Variants in FYB2 observed in about 807,000 individuals in gnomAD.
FYB2 encodes FYN binding protein 2.
In FYB2, 103 loss-of-function variants were observed where a neutral mutation model predicts 94.1. The ratio of observed to expected loss-of-function variants is 1.09; its 90% CI spans 0.93 to 1.29. FYB2 has a LOEUF of 1.29. FYB2 is among the 50% of genes most tolerant of loss of function. FYB2 has a pLI of 0.00. For synonymous variants in FYB2, 293 were observed against 287.9 expected (o/e 1.02, Z -0.18); for missense variants, 896 against 841.5 (o/e 1.06, Z -0.80).
intron 5 of FYB2, among the ~76,000 whole-genome samples, chr1:56,760,951 C>A (rs1320219897): frequency 6.6e-6 from 1 of 152,150 alleles, no homozygotes; most frequent in Non-Finnish European, 1.5e-5. Flanking sequence ...GGAATTATGA[C>A]AAGAGCATGT....
intron 1 of FYB2, among the ~76,000 whole-genome samples, chr1:56,806,426 G>T (rs1053667150): frequency 4.6e-5 from 7 of 152,172 alleles, no homozygotes; most frequent in African/African-American, 1.7e-4. Context: ...AGAGAGTCTG[G>T]CATGTGTGGG....
At chr1:56,759,347 C>G (rs1218536120) in intron 5 of FYB2, among the ~76,000 whole-genome samples, 2 of 152,102 alleles carry the variant, frequency 1.3e-5, no homozygotes, top group South Asian at 4.1e-4. Flanking sequence ...TTCATCATCA[C>G]GTGAATACCA....
intron 15 of FYB2, among the ~76,000 whole-genome samples, chr1:56,733,542 T>C (rs769301037): frequency 1.9e-4 from 29 of 152,162 alleles, no homozygotes; most frequent in Non-Finnish European, 3.4e-4. Flanking sequence ...CGATTTTAGA[T>C]CTTTCCTTCT....
At chr1:56,794,938 C>G (rs1194626534) in intron 1 of FYB2, among the ~76,000 whole-genome samples, 1 of 151,980 alleles carries the variant, frequency 6.6e-6, no homozygotes, top group East Asian at 1.9e-4. Flanking sequence ...TGAGATAACA[C>G]ACATACACAC....
At chr1:56,767,492 T>C (rs1339483525) in intron 5 of FYB2, among the ~76,000 whole-genome samples, 2 of 152,136 alleles carry the variant, frequency 1.3e-5, no homozygotes, top group Non-Finnish European at 2.9e-5. Context: ...GAGATGAAGT[T>C]TCTATAGGAA....
rs767727634 is a variant in FYB2 at position 56,789,076 on chromosome 1, G to A, written c.816C>T (p.Ile272=). 13 of 1,613,014 alleles carry A rather than the reference G, an allele frequency of 8.1e-6. No individual in the cohort carries two copies. The highest frequency in any genetic ancestry group is 2.2e-5 in the East Asian group (1 of 44,878). The change falls in exon 3 of 20, where the codon ATC becomes ATT. Residue 272 remains isoleucine, a synonymous_variant. Coordinates refer to ENST00000343433, the MANE Select transcript of FYB2 (RefSeq NM_001004303.5). ...TTGGGGGAGGAGGACCCAGGGAGTCGATGGAGGGCAATGGCTTTGTTTTGG... is the reference window on the plus strand; with the variant it reads ...TTGGGGGAGGAGGACCCAGGGAGTCAATGGAGGGCAATGGCTTTGTTTTGG... ...HLPKTKPLPS[I]DSLGPPPPKP... is the part of the protein sequence containing the mutation.
intron 9 of FYB2, among the ~76,000 whole-genome samples, chr1:56,745,154 AAC>A (rs569143364): frequency 7.5e-4 from 114 of 152,150 alleles, no homozygotes; most frequent in Middle Eastern, 3.4e-3. Context: ...AAAGATGCTG[AAC>A]ACACACAGTT....
At chr1:56,742,969 T>C (rs190845050) in intron 11 of FYB2, among the ~76,000 whole-genome samples, 16 of 152,158 alleles carry the variant, frequency 1.1e-4, no homozygotes, top group African/African-American at 3.4e-4. Flanking sequence ...AATAATTATA[T>C]ATACTTATGA....
In FYB2 at chr1:56,788,577, G is replaced by A. The variant is rs111740383; in HGVS notation, c.919+396C>T. Among the ~76,000 whole-genome samples the A allele has an allele frequency of 3.7e-4, 57 of 152,262 alleles. 3 individuals carry two copies. The highest frequency in any genetic ancestry group is 1.3e-3 in the African/African-American group (56 of 41,556). ...TGGAGGCCTGAGGGGCTCCCCCTAA[G>A]GATTTCAGGTCAAGTTCACACTGAC... On this transcript the variant is annotated intron_variant, in intron 3 of 19. Coordinates refer to ENST00000343433, the MANE Select transcript of FYB2 (RefSeq NM_001004303.5).
At chr1:56,740,561 G>C (rs1644928425) in intron 13 of FYB2, 136 bp downstream of exon 13, 1 of 488,692 alleles carries the variant, frequency 2.0e-6, no homozygotes, top group Non-Finnish European at 3.7e-6. Context: ...CACAAGAAAG[G>C]GGCAGATGAT....
intron 4 of FYB2, among the ~76,000 whole-genome samples, chr1:56,784,159 A>G (rs1646077358): frequency 6.6e-6 from 1 of 152,220 alleles, no homozygotes; most frequent in African/African-American, 2.4e-5. Context: ...TTTATACATT[A>G]TGGTTGAAAA....
chr1:56,799,630 C>A (rs1646475223), intron 1 of FYB2, among the ~76,000 whole-genome samples: 2 of 152,078 alleles, frequency 1.3e-5, no homozygotes, highest in Admixed American at 1.3e-4. Flanking sequence ...AAATTCAGAA[C>A]CAAAGAACAA....
chr1:56,806,647 C>G (rs1381956453), intron 1 of FYB2, among the ~76,000 whole-genome samples: 2 of 152,130 alleles, frequency 1.3e-5, no homozygotes, highest in Non-Finnish European at 2.9e-5. Flanking sequence ...ACTCAAGGCA[C>G]AGGCCTATAG....
chr1:56,733,547 C>T (rs1452247320), intron 15 of FYB2, among the ~76,000 whole-genome samples: 4 of 152,068 alleles, frequency 2.6e-5, no homozygotes, highest in African/African-American at 4.8e-5. Context: ...TTAGATCTTT[C>T]CTTCTTTCTC....
At chr1:56,774,051 T>C (rs1410001234) in intron 4 of FYB2, among the ~76,000 whole-genome samples, 2 of 152,146 alleles carry the variant, frequency 1.3e-5, no homozygotes, top group Non-Finnish European at 2.9e-5. Flanking sequence ...CCATACTAAA[T>C]AAAATGGATC....
chr1:56,804,156 T>C (rs537878880), intron 1 of FYB2, among the ~76,000 whole-genome samples: 1 of 152,320 alleles, frequency 6.6e-6, no homozygotes, highest in African/African-American at 2.4e-5. Context: ...TTTGCCACTT[T>C]CCATATCCTA....
chr1:56,759,060 C>A (rs1026090552), intron 5 of FYB2, among the ~76,000 whole-genome samples: 1 of 152,142 alleles, frequency 6.6e-6, no homozygotes, highest in African/African-American at 2.4e-5. Flanking sequence ...AGTGGCAGCT[C>A]AGAAGGCAAA....
chr1:56,748,580 C>T (rs1442804445), intron 9 of FYB2, among the ~76,000 whole-genome samples: 3 of 151,554 alleles, frequency 2.0e-5, no homozygotes, highest in Non-Finnish European at 3.0e-5. Flanking sequence ...TACCTTCTCA[C>T]TCTTTTAACG....
rs376917498 is a variant in FYB2, at chr1:56,797,801, C to T, written c.10-4998G>A. ...CAATAACAGGTTTGAGTATCTGCAA[C>T]GACAACAACAAAACACACTGGCCGA... On this transcript the variant is annotated intron_variant, in intron 1 of 19. Coordinates refer to ENST00000343433, the MANE Select transcript of FYB2 (RefSeq NM_001004303.5). Among the ~76,000 whole-genome samples the T allele has an allele frequency of 2.2e-4, 34 of 152,250 alleles. No individual in the cohort carries two copies. The South Asian group carries it at 3.5e-3, about 16-fold the overall frequency.
Sources: gnomAD v4.1 joint callset for allele counts (sites outside exome capture counted in the v4.1 genomes callset) on GRCh38, gnomAD v4.1.1 for gene constraint, MANE v1.5 for transcripts, NCBI Gene and HGNC (gene_info 2026-07-23, HGNC 2026-07-21) for gene names.